FREM1: variants seen among roughly 807,000 people sequenced by gnomAD.
The protein encoded by FREM1 is FRAS1-related extracellular matrix protein 1.
Under a neutral mutation model 210.1 loss-of-function variants are expected in FREM1, and 220 were observed. That is an observed-to-expected ratio of 1.05 (90% CI 0.94 to 1.17). The LOEUF is 1.17. FREM1 is among the 50% of genes most tolerant of loss of function. The pLI, the probability that FREM1 is intolerant of heterozygous loss-of-function variation, is 0.00. For synonymous variants in FREM1, 1,189 were observed against 980.2 expected (o/e 1.21, Z -3.98); for missense variants, 3,454 against 2,675.5 (o/e 1.29, Z -6.42).
In FREM1 at chr9:14,868,725, A is replaced by T. The variant is rs201956426; in HGVS notation, c.234+19T>A. 6.7e-7 allele frequency: 1 copy of T among 1,503,154 alleles called. No homozygotes were observed. Among genetic ancestry groups the T allele is most frequent in the East Asian group, 2.3e-5 (1 of 43,926 alleles). 93.1% of individuals were successfully genotyped at this position (1,503,154 alleles called of 1,614,324 possible). ...CATTCATACACACGACTGAACAGAAAATCGCAGATAGGACCTACCTGTGGA... is the reference window on the plus strand; with the variant it reads ...CATTCATACACACGACTGAACAGAATATCGCAGATAGGACCTACCTGTGGA... On this transcript the variant is annotated intron_variant, in intron 2 of 36. Transcript: ENST00000380880.
Position 14,812,951 on chromosome 9 carries a change from A to G in FREM1, c.2754T>C (p.Asp918=). ...TCAACTTCAAGTTATCGCTGTCCACATCAGTAGCAAAAATGTATTCAGAGG... is the reference window on the plus strand; with the variant it reads ...TCAACTTCAAGTTATCGCTGTCCACGTCAGTAGCAAAAATGTATTCAGAGG... ...VITSEYIFAT[D]VDSDNLKLMF... The change falls in exon 16 of 37, where the codon GAT becomes GAC. Residue 918 remains aspartate (D), a synonymous_variant. Transcript: ENST00000380880. 4 of 1,613,958 alleles carry G rather than the reference A, an allele frequency of 2.5e-6. No homozygotes were observed. Among genetic ancestry groups the G allele is most frequent in the Non-Finnish European group, 3.4e-6 (4 of 1,179,866 alleles).
At position 14,863,852 on chromosome 9, in the gene FREM1, A is replaced by C. The variant is rs1831025854; in HGVS notation, c.286T>G (p.Cys96Gly). 1 of 1,613,436 alleles carries C rather than the reference A, an allele frequency of 6.2e-7. No homozygotes were observed. The highest frequency in any genetic ancestry group is 1.1e-5 in the South Asian group (1 of 91,016). ...ACTGTGTCTTCATCAAGAATTGGAC[A>C]ACCATTGTGAACATACTTGACTTCG... ...PNEVKYVHNG[C>G]PILDEDTVKL... The change falls in exon 3 of 37, where the codon TGT (cysteine) becomes GGT (glycine). Residue 96 changes from cysteine (C) to glycine (G), a missense_variant. Transcript: ENST00000380880.
intron 13 of FREM1, among the ~76,000 whole-genome samples, chr9:14,820,456 C>G (rs1479101665): frequency 6.6e-6 from 1 of 152,156 alleles, no homozygotes; most frequent in Non-Finnish European, 1.5e-5. Context: ...CTGGTCCCAG[C>G]AGGGAGGATG....
At chr9:14,880,767 A>G (rs1278569915) in intron 1 of FREM1, among the ~76,000 whole-genome samples, 1 of 152,174 alleles carries the variant, frequency 6.6e-6, no homozygotes, top group Non-Finnish European at 1.5e-5. Context: ...CAAATTTTTT[A>G]TGGACAAAAC....
intron 22 of FREM1, among the ~76,000 whole-genome samples, chr9:14,791,333 C>T (rs972851401): frequency 1.3e-5 from 2 of 152,196 alleles, no homozygotes; most frequent in Non-Finnish European, 2.9e-5. Context: ...AGGTGACCTA[C>T]CCCTAGAATC....
At position 14,836,517 on chromosome 9, in the gene FREM1, G is replaced by A. The variant is rs10810265; in HGVS notation, c.1881+4930C>T. Among the ~76,000 whole-genome samples the A allele has an allele frequency of 0.018, 2,770 of 152,238 alleles. 144 individuals carry two copies. The East Asian group carries it at 0.21, about 11-fold the overall frequency. ...TATTAACAGGCTCAGGGAAAATGCC[G>A]GCTTCAGCCCTGGGCGGCTACAATC... is the stretch of plus-strand genomic sequence containing the variant. On this transcript the variant is annotated intron_variant, in intron 10 of 36. Coordinates refer to ENST00000380880, the MANE Select transcript of FREM1 (RefSeq NM_001379081.2). The surrounding 1 kb of genome is among the most constrained non-coding windows in gnomAD (Gnocchi z 4.9).
At chr9:14,778,681 GAGGGAAGGGAAGGGAAGGGAAGGGA>G (rs1197881325) in intron 24 of FREM1, among the ~76,000 whole-genome samples, 5 of 11,208 alleles carry the variant, frequency 4.5e-4, no homozygotes, top group Non-Finnish European at 7.9e-4. Context: ...GGAGGGGAGG[GAGGGAAGGGAAGGGAAGGGAAGGGA>G]AGGGAAGGGA....
At chr9:14,821,133 C>G (rs184271712) in intron 13 of FREM1, among the ~76,000 whole-genome samples, 6 of 152,266 alleles carry the variant, frequency 3.9e-5, no homozygotes, top group Non-Finnish European at 8.8e-5. Flanking sequence ...TCAACATCCT[C>G]CCGTGGTTAT....
intron 1 of FREM1, among the ~76,000 whole-genome samples, chr9:14,886,471 G>C (rs1208589697): frequency 6.6e-6 from 1 of 151,704 alleles, no homozygotes; most frequent in Non-Finnish European, 1.5e-5. Context: ...GCCACTTCAG[G>C]ATGAACCCAC....
intron 5 of FREM1, among the ~76,000 whole-genome samples, chr9:14,852,056 G>C (rs1231620884): frequency 2.6e-5 from 4 of 152,152 alleles, no homozygotes; most frequent in Non-Finnish European, 4.4e-5. Context: ...AAATGAAATA[G>C]CCAAAGTAGG....
chr9:14,908,220 AT>A, intron 1 of FREM1, among the ~76,000 whole-genome samples: 1 of 152,130 alleles, frequency 6.6e-6, no homozygotes, highest in Non-Finnish European at 1.5e-5. Context: ...TGGAAGAATC[AT>A]TTTCTGTTTC....
chr9:14,779,395 C>A (rs1435808617), intron 24 of FREM1: 3 of 577,656 alleles, frequency 5.2e-6, no homozygotes, highest in Non-Finnish European at 6.6e-6. Flanking sequence ...TGTCAAATAT[C>A]AGCAGAGAAG....
At chr9:14,882,011 G>A (rs1475167344) in intron 1 of FREM1, among the ~76,000 whole-genome samples, 1 of 152,022 alleles carries the variant, frequency 6.6e-6, no homozygotes, top group Non-Finnish European at 1.5e-5. Context: ...TGGGTCTCTG[G>A]GCCATTTGCA....
intron 15 of FREM1, among the ~76,000 whole-genome samples, chr9:14,816,328 G>A (rs1451976619): frequency 6.6e-6 from 1 of 152,122 alleles, no homozygotes; most frequent in East Asian, 1.9e-4. Context: ...TACAAGGATC[G>A]AAGCAGGTAT....
At chr9:14,837,066 C>G (rs923083219) in intron 10 of FREM1, among the ~76,000 whole-genome samples, 1 of 152,202 alleles carries the variant, frequency 6.6e-6, no homozygotes, top group Admixed American at 6.5e-5. Flanking sequence ...CCCAACATGG[C>G]GATTCCCTTG....
chr9:14,884,401 T>C (rs1835401405), intron 1 of FREM1, among the ~76,000 whole-genome samples: 1 of 152,208 alleles, frequency 6.6e-6, no homozygotes, highest in African/African-American at 2.4e-5. Flanking sequence ...ATGGTAATCA[T>C]GTATTCTAAG....
Position 14,812,825 on chromosome 9 carries a change from T to A in FREM1, c.2880A>T (p.Thr960=), listed in dbSNP as rs886411734. ...SQRDVISEAV[T]YKHTGGEIGL... is the part of the protein sequence containing the mutation. The stretch of plus-strand genomic sequence containing the variant: ...GCTGCTGCTTACCTGTGTGTTTGTA[T>A]GTCACGGCCTCTGAGATAACATCTC... The change falls in exon 16 of 37, where the codon ACA becomes ACT. Residue 960 remains threonine (T), a synonymous_variant. Coordinates refer to ENST00000380880, the MANE Select transcript of FREM1 (RefSeq NM_001379081.2). 1.2e-6 allele frequency: 2 copies of A among 1,609,552 alleles called. No homozygotes were observed. Among genetic ancestry groups the A allele is most frequent in the Non-Finnish European group, 1.7e-6 (2 of 1,177,170 alleles).
intron 1 of FREM1, among the ~76,000 whole-genome samples, chr9:14,896,275 G>A (rs535984546): frequency 7.9e-5 from 12 of 152,246 alleles, no homozygotes; most frequent in Admixed American, 5.9e-4. Context: ...GCTGGGCCCC[G>A]TGGCTCATGC....
intron 1 of FREM1, among the ~76,000 whole-genome samples, chr9:14,878,963 C>T (rs1179837475): frequency 2.6e-5 from 4 of 152,042 alleles, no homozygotes; most frequent in South Asian, 2.1e-4. Context: ...CGAGAACAGC[C>T]TGGCCATCAC....
Sources: allele counts gnomAD v4.1 joint callset (sites outside exome capture counted in the v4.1 genomes callset), GRCh38; gene constraint gnomAD v4.1.1; non-coding constraint Gnocchi (gnomAD v3.1); transcripts MANE v1.5; gene names NCBI Gene and HGNC (gene_info 2026-07-23, HGNC 2026-07-21).